The following SDK2 variants were observed in gnomAD, a reference collection of about 807,000 sequenced individuals.
The protein encoded by SDK2 is protein sidekick-2.
In SDK2, 105 loss-of-function variants were observed where a neutral mutation model predicts 253.9. That is an observed-to-expected ratio of 0.41 (90% CI 0.35 to 0.49). The LOEUF is 0.49. SDK2 is among the 20% of genes least tolerant of loss of function. SDK2 has a pLI of 0.06. For synonymous variants in SDK2, 1,249 were observed against 1,234.9 expected, an observed-to-expected ratio of 1.01 and a Z score of -0.24; for missense variants, 2,608 against 3,003.0, an observed-to-expected ratio of 0.87 and a Z score of 3.07.
rs1389260083 is a variant in SDK2, at chr17:73,629,532, C to G, written c.64+14493G>C. Reference sequence around the variant, plus strand: ...GCTGTCTATAATTGCTGCTTGGTATCAGTAAGGATGAAAAAGAAGACCCCA... The same window carrying G: ...GCTGTCTATAATTGCTGCTTGGTATGAGTAAGGATGAAAAAGAAGACCCCA... On this transcript the variant is annotated intron_variant, in intron 1 of 44. Coordinates refer to ENST00000392650, the MANE Select transcript of SDK2 (RefSeq NM_001144952.2). This position sits in a 1 kb window ranked among gnomAD's most constrained non-coding sequence, Gnocchi z 5.0. Among the ~76,000 whole-genome samples the G allele has an allele frequency of 6.6e-6, 1 of 152,172 alleles. No individual in the cohort carries two copies. The highest frequency in any genetic ancestry group is 2.4e-5 in the African/African-American group (1 of 41,440).
rs1026909456 is a variant in SDK2 at position 73,616,803 on chromosome 17, A to G, written c.64+27222T>C. Among the ~76,000 whole-genome samples the G allele has an allele frequency of 3.9e-5, 6 of 152,174 alleles. No homozygotes were observed. The highest frequency in any genetic ancestry group is 3.3e-4 in the Admixed American group (5 of 15,282). ...GCACTGCACTGTGCGCATTCCCACC[A>G]TGAGATGCCTGGGGAAGGGGTCAGA... On this transcript the variant is annotated intron_variant, in intron 1 of 44. Transcript: ENST00000392650. This position sits in a 1 kb window ranked among gnomAD's most constrained non-coding sequence, Gnocchi z 5.2.
At chr17:73,427,916 C>G (rs2063296007) in intron 12 of SDK2, among the ~76,000 whole-genome samples, 1 of 152,142 alleles carries the variant, frequency 6.6e-6, no homozygotes, top group South Asian at 2.1e-4. Flanking sequence ...AAAAGAGAAG[C>G]CACACACTAG....
intron 1 of SDK2, among the ~76,000 whole-genome samples, chr17:73,589,838 G>T (rs2045657886): frequency 6.6e-6 from 1 of 152,262 alleles, no homozygotes; most frequent in South Asian, 2.1e-4. Context: ...AGGTGTTACA[G>T]AGGTGCTGAG....
rs2063362602 is a variant in SDK2, at chr17:73,435,666, A to G, written c.1001-22T>C. On this transcript the variant is annotated intron_variant, in intron 8 of 44. Transcript: ENST00000392650. The surrounding 1 kb of genome is among the most constrained non-coding windows in gnomAD (Gnocchi z 5.7). ...ACACCTGTGGGCAAGACGTGGGCCC[A>G]CCGTCAACCTGCCTCCTGCCTCCTC... is the stretch of plus-strand genomic sequence containing the variant. The G allele has an allele frequency of 3.3e-6, 5 of 1,525,466 alleles. No individual in the cohort carries two copies. The highest frequency in any genetic ancestry group is 1.2e-5 in the South Asian group (1 of 81,868). The allele number at this position is 1,525,466 out of a possible 1,614,324, so 94.5% of individuals were successfully genotyped here. A position where few individuals can be genotyped will look rare whatever the true frequency, so the allele number is the denominator to read the frequency against.
intron 1 of SDK2, among the ~76,000 whole-genome samples, chr17:73,631,853 A>G (rs933423829): frequency 1.3e-5 from 2 of 152,208 alleles, no homozygotes; most frequent in Non-Finnish European, 2.9e-5. Context: ...GGACATAGTG[A>G]TCCCAGAGCC....
chr17:73,498,614 A>C (rs1434081802), intron 2 of SDK2, among the ~76,000 whole-genome samples: 1 of 152,214 alleles, frequency 6.6e-6, no homozygotes, highest in South Asian at 2.1e-4. Context: ...TTATGATTTC[A>C]GATCTTGGAC....
intron 41 of SDK2, among the ~76,000 whole-genome samples, chr17:73,351,112 C>CTT (rs11320990): frequency 3.4e-5 from 5 of 146,038 alleles, no homozygotes; most frequent in Admixed American, 6.9e-5. Context: ...ACTTTTTCCC[C>CTT]TTTTTTTTTT....
intron 1 of SDK2, among the ~76,000 whole-genome samples, chr17:73,621,992 T>A (rs2046138758): frequency 6.6e-6 from 1 of 152,160 alleles, no homozygotes; most frequent in African/African-American, 2.4e-5. Context: ...AAACCTAAGA[T>A]AAAGAAAGTG....
intron 1 of SDK2, among the ~76,000 whole-genome samples, chr17:73,607,801 C>T (rs1429681147): frequency 6.6e-6 from 1 of 151,316 alleles, no homozygotes; most frequent in East Asian, 1.9e-4. Context: ...GAGGGTTTTA[C>T]GCTGCAGGCT....
chr17:73,502,084 T>TAC (rs5821971), intron 2 of SDK2, among the ~76,000 whole-genome samples: 6,083 of 26,414 alleles, frequency 0.23, 157 homozygotes, highest in African/African-American at 0.31. Flanking sequence ...GTAGTGCACA[T>TAC]ACACACACAC....
chr17:73,423,484 A>G lies in SDK2; in HGVS notation c.1799T>C (p.Leu600Pro), dbSNP rs1469487188. 1 of 1,590,772 alleles carries G rather than the reference A, an allele frequency of 6.3e-7. No homozygotes were observed. ...PHAPEHPVAT[L>P]STVERRAINL... Reference sequence around the variant, plus strand: ...GATGGCTCGCCTTTCCACGGTGCTGAGAGTGGCCACTGGGTGCTCGGGCGC... The same window carrying G: ...GATGGCTCGCCTTTCCACGGTGCTGGGAGTGGCCACTGGGTGCTCGGGCGC... Residue 600 changes from leucine (L) to proline (P), a missense_variant, in exon 14 of 45, where the codon CTC becomes CCC. Physicochemically the swap from Leu to Pro is moderately conservative, Grantham distance 98. Around this residue, in one of 2 missense-constraint regions of SDK2, gnomAD observed 1,505 missense variants for 1,859.1 expected, o/e 0.81. Transcript: ENST00000392650.
chr17:73,581,203 A>G (rs559768450), intron 1 of SDK2, among the ~76,000 whole-genome samples: 72 of 152,220 alleles, frequency 4.7e-4, no homozygotes, highest in Non-Finnish European at 6.9e-4. Context: ...TTAGATTTTC[A>G]GATTTGGGGT....
chr17:73,528,532 G>A (rs1390812084), intron 1 of SDK2, among the ~76,000 whole-genome samples: 1 of 152,152 alleles, frequency 6.6e-6, no homozygotes, highest in African/African-American at 2.4e-5. Flanking sequence ...ATTCACACTT[G>A]GGGCCGGTCA....
chr17:73,578,540 C>T (rs1232281738), intron 1 of SDK2, among the ~76,000 whole-genome samples: 2 of 152,174 alleles, frequency 1.3e-5, no homozygotes, highest in Non-Finnish European at 2.9e-5. Flanking sequence ...CAATTAATGA[C>T]TCGGTGACAC....
intron 3 of SDK2, among the ~76,000 whole-genome samples, chr17:73,460,289 C>T (rs1342460833): frequency 3.3e-5 from 5 of 152,216 alleles, no homozygotes; most frequent in East Asian, 1.9e-4. Flanking sequence ...CCAGCACCAA[C>T]GCTGGACATG....
In SDK2 at chr17:73,642,473, T is replaced by G. The variant is rs1248916779; in HGVS notation, c.64+1552A>C. On this transcript the variant is annotated intron_variant, in intron 1 of 44. Coordinates refer to ENST00000392650, the MANE Select transcript of SDK2 (RefSeq NM_001144952.2). The surrounding 1 kb of genome is among the most constrained non-coding windows in gnomAD (Gnocchi z 4.7). ...TCCAGGATGAAGGACAACCCATTCC[T>G]ATTCTGCCAGCATCAGGGTCCTCCT... Among the ~76,000 whole-genome samples the G allele has an allele frequency of 6.6e-6, 1 of 152,138 alleles. No homozygotes were observed. Among genetic ancestry groups the G allele is most frequent in the African/African-American group, 2.4e-5 (1 of 41,436 alleles).
At chr17:73,411,961 T>C (rs1224763948) in intron 18 of SDK2, among the ~76,000 whole-genome samples, 8 of 95,532 alleles carry the variant, frequency 8.4e-5, no homozygotes, top group Non-Finnish European at 1.4e-4. Context: ...TGTGTATATA[T>C]ATATATACGT....
At chr17:73,602,145 A>T (rs949111680) in intron 1 of SDK2, among the ~76,000 whole-genome samples, 2 of 152,218 alleles carry the variant, frequency 1.3e-5, no homozygotes, top group Admixed American at 6.5e-5. Context: ...TGGGAAACTG[A>T]GGCCCAGAAG....
chr17:73,544,619 T>C (rs929221126), intron 1 of SDK2, among the ~76,000 whole-genome samples: 3 of 152,112 alleles, frequency 2.0e-5, no homozygotes, highest in Non-Finnish European at 2.9e-5. Context: ...AGATGGATAA[T>C]GGATGGATGG....
Sources: gnomAD v4.1 joint callset for allele counts (sites outside exome capture counted in the v4.1 genomes callset) on GRCh38, gnomAD v4.1.1 for gene constraint, gnomAD v4.1.1 regional missense constraint, Gnocchi (gnomAD v3.1) non-coding constraint, MANE v1.5 for transcripts, NCBI Gene and HGNC (gene_info 2026-07-23, HGNC 2026-07-21) for gene names.